COL25A1: variants seen among roughly 807,000 people sequenced by gnomAD.
COL25A1 encodes the protein collagen alpha-1(XXV) chain.
In COL25A1, 103 loss-of-function variants were observed where a neutral mutation model predicts 128.4. The ratio of observed to expected loss-of-function variants is 0.80; its 90% CI spans 0.68 to 0.94. The LOEUF is 0.94. Among genes scored for constraint, COL25A1 ranks in the 40% least tolerant of loss-of-function variants. COL25A1 has a pLI of 0.00. For missense variants in COL25A1, 745 were observed against 840.0 expected (o/e 0.89, Z 1.40); for synonymous variants, 279 against 277.2 (o/e 1.01, Z -0.06).
At chr4:109,010,248 G>C (rs547896750) in intron 6 of COL25A1, 110 bp downstream of exon 6, 1 of 858,260 alleles carries the variant, frequency 1.2e-6, no homozygotes, top group Non-Finnish European at 1.8e-6. Context: ...GTGTGGTGTT[G>C]TGATTATCAG....
At chr4:108,890,990 A>C (rs1265824414) in intron 16 of COL25A1, among the ~76,000 whole-genome samples, 1 of 152,104 alleles carries the variant, frequency 6.6e-6, no homozygotes, top group Non-Finnish European at 1.5e-5. Context: ...ACCGCAGCTC[A>C]CTTTCTAATT....
chr4:108,954,833 C>T (rs543524520), intron 8 of COL25A1, among the ~76,000 whole-genome samples: 224 of 152,152 alleles, frequency 1.5e-3, no homozygotes, highest in Non-Finnish European at 2.3e-3. Context: ...AATGACAATG[C>T]TCTGGGTTTG....
chr4:109,138,739 G>C (rs1274462097), intron 3 of COL25A1, among the ~76,000 whole-genome samples: 1 of 151,212 alleles, frequency 6.6e-6, no homozygotes, highest in Non-Finnish European at 1.5e-5. Context: ...ACAGAGTCTT[G>C]CTCTGTTGCC....
At chr4:108,859,545 C>T in intron 24 of COL25A1, 111 bp downstream of exon 24, 1 of 731,372 alleles carries the variant, frequency 1.4e-6, no homozygotes, top group Non-Finnish European at 2.2e-6. Context: ...GTGCCTTGAG[C>T]AGTGGAGTCC....
At chr4:109,160,705 C>T (rs17040014) in intron 3 of COL25A1, among the ~76,000 whole-genome samples, 12,668 of 152,100 alleles carry the variant, frequency 0.083, 911 homozygotes, top group East Asian at 0.24. Context: ...AGGAAGAGCT[C>T]TATGACCCAC....
chr4:108,971,368 A>T (rs1751894749), intron 8 of COL25A1, among the ~76,000 whole-genome samples: 1 of 152,210 alleles, frequency 6.6e-6, no homozygotes, highest in South Asian at 2.1e-4. Context: ...GGACCTAAGG[A>T]GGGAGGGGGG....
chr4:109,140,447 G>GT (rs1283693586), intron 3 of COL25A1, among the ~76,000 whole-genome samples: 2 of 151,686 alleles, frequency 1.3e-5, no homozygotes, highest in East Asian at 1.9e-4. Flanking sequence ...ATTTAAAGTA[G>GT]TTTTTTTTCT....
At chr4:109,241,083 C>A (rs560863937) in intron 3 of COL25A1, among the ~76,000 whole-genome samples, 17 of 152,118 alleles carry the variant, frequency 1.1e-4, no homozygotes, top group Non-Finnish European at 2.4e-4. Flanking sequence ...TCTTAGTATT[C>A]ATCCCATCAG....
In COL25A1 at chr4:108,951,390, CT is replaced by C. The variant is rs753653517; in HGVS notation, c.493-9954del. Among the ~76,000 whole-genome samples, 471 of 139,072 alleles carry C rather than the reference CT, an allele frequency of 3.4e-3. 2 individuals are homozygous for C. The highest frequency in any genetic ancestry group is 0.023 in the East Asian group (111 of 4,814). The allele number at this position is 139,072 out of a possible 152,430, so 91.2% of individuals were successfully genotyped here. On this transcript the variant is annotated intron_variant, in intron 8 of 37. Coordinates refer to ENST00000399132, the MANE Select transcript of COL25A1 (RefSeq NM_198721.4). ...TTTCATTTTTAGAAACTTTTTTTTT[CT>C]TTTTTTTTTTTTTAGACAGTGTCTT...
chr4:108,922,638 A>C (rs1214709554), intron 11 of COL25A1, among the ~76,000 whole-genome samples: 2 of 152,250 alleles, frequency 1.3e-5, no homozygotes, highest in Admixed American at 6.5e-5. Flanking sequence ...TCAGAGATTT[A>C]GAATGACTAA....
intron 6 of COL25A1, among the ~76,000 whole-genome samples, chr4:108,994,142 A>T (rs1186857477): frequency 6.6e-6 from 1 of 152,216 alleles, no homozygotes; most frequent in Non-Finnish European, 1.5e-5. Context: ...TACCTGAAGC[A>T]GGGAGGGGCA....
intron 3 of COL25A1, among the ~76,000 whole-genome samples, chr4:109,243,208 G>A (rs1780022358): frequency 6.6e-6 from 1 of 152,022 alleles, no homozygotes; most frequent in Non-Finnish European, 1.5e-5. Flanking sequence ...GGATGGGAGA[G>A]CAAATAGGAG....
At chr4:108,828,872 G>A (rs575283980) in intron 32 of COL25A1, among the ~76,000 whole-genome samples, 1 of 152,262 alleles carries the variant, frequency 6.6e-6, no homozygotes, top group Non-Finnish European at 1.5e-5. Flanking sequence ...TGATATGCCT[G>A]TGTTTCTCCA....
chr4:109,070,445 G>A (rs1050345366), intron 3 of COL25A1, among the ~76,000 whole-genome samples: 1 of 151,352 alleles, frequency 6.6e-6, no homozygotes, highest in South Asian at 2.1e-4. Flanking sequence ...AATCATATTT[G>A]GTTAAGTAGA....
At chr4:108,942,651 T>G (rs1462841393) in intron 8 of COL25A1, among the ~76,000 whole-genome samples, 1 of 151,518 alleles carries the variant, frequency 6.6e-6, no homozygotes, top group Non-Finnish European at 1.5e-5. Flanking sequence ...AGTTTCACCA[T>G]GTTGGCCAGG....
intron 8 of COL25A1, among the ~76,000 whole-genome samples, chr4:108,952,857 G>T (rs112198282): frequency 8.8e-3 from 206 of 23,320 alleles, no homozygotes; most frequent in African/African-American, 0.02. Context: ...TTTTTTTTTT[G>T]GCATGTTTCA....
intron 3 of COL25A1, among the ~76,000 whole-genome samples, chr4:109,187,176 G>A (rs1280939291): frequency 6.8e-6 from 1 of 146,884 alleles, no homozygotes; most frequent in Non-Finnish European, 1.5e-5. Flanking sequence ...GTCGTGTTTT[G>A]TGTGTGTGTA....
intron 28 of COL25A1, 37 bp from the exon 29 acceptor site, chr4:108,845,288 G>C (rs1339589774): frequency 6.5e-7 from 1 of 1,535,736 alleles, no homozygotes; most frequent in Non-Finnish European, 9.0e-7. Context: ...AGCAGGTAAA[G>C]TTATTTCCAG....
intron 6 of COL25A1, among the ~76,000 whole-genome samples, chr4:108,984,411 G>A (rs991805419): frequency 2.0e-5 from 3 of 152,106 alleles, no homozygotes; most frequent in Non-Finnish European, 4.4e-5. Context: ...CCCTTGGGTG[G>A]TTGATGGGAC....
Sources: gnomAD v4.1 joint callset for allele counts (sites outside exome capture counted in the v4.1 genomes callset) on GRCh38, gnomAD v4.1.1 for gene constraint, MANE v1.5 for transcripts, NCBI Gene and HGNC (gene_info 2026-07-23, HGNC 2026-07-21) for gene names.